PXDNL: variants seen among roughly 807,000 people sequenced by gnomAD.
PXDNL encodes the protein peroxidasin like.
A neutral mutation model predicts 150.8 loss-of-function variants in PXDNL; 145 were observed. The observed-to-expected ratio is 0.96, with a 90% CI of 0.84 to 1.10. The LOEUF (loss-of-function observed/expected upper bound fraction) is 1.10, where lower values mean the gene tolerates loss of function less well. Among genes scored for constraint, PXDNL ranks in the 50% least tolerant of loss-of-function variants. The pLI, the probability that PXDNL is intolerant of heterozygous loss-of-function variation, is 0.00. For missense variants in PXDNL, 2,087 were observed against 1,873.9 expected (o/e 1.11, Z -2.10); for synonymous variants, 757 against 725.7 (o/e 1.04, Z -0.69).
chr8:51,808,674 GAGAC>G (rs1405923031), intron 1 of PXDNL, among the ~76,000 whole-genome samples: 3 of 152,148 alleles, frequency 2.0e-5, no homozygotes, highest in Non-Finnish European at 4.4e-5. Context: ...GTCTGTTCTG[GAGAC>G]AGACAGTGCT....
chr8:51,753,494 T>G (rs1279112974), intron 1 of PXDNL, among the ~76,000 whole-genome samples: 1 of 152,176 alleles, frequency 6.6e-6, no homozygotes, highest in Non-Finnish European at 1.5e-5. Flanking sequence ...TGCCTTTTAA[T>G]CAAAAAAGAA....
At chr8:51,702,536 T>C (rs1353710858) in intron 1 of PXDNL, among the ~76,000 whole-genome samples, 2 of 152,162 alleles carry the variant, frequency 1.3e-5, no homozygotes, top group Non-Finnish European at 2.9e-5. Flanking sequence ...TTTCCAACAA[T>C]CCTGTTCGAA....
intron 1 of PXDNL, among the ~76,000 whole-genome samples, chr8:51,697,175 G>A (rs1816166533): frequency 6.6e-6 from 1 of 151,852 alleles, no homozygotes; most frequent in Non-Finnish European, 1.5e-5. Context: ...GTGGTGGCGG[G>A]CGCCTGTAAT....
chr8:51,379,821 A>T (rs1239012254), intron 17 of PXDNL, among the ~76,000 whole-genome samples: 4 of 152,090 alleles, frequency 2.6e-5, no homozygotes, highest in African/African-American at 9.7e-5. Context: ...TCTGGAATTG[A>T]TTTTCATATA....
intron 2 of PXDNL, among the ~76,000 whole-genome samples, chr8:51,643,620 G>A (rs1182192779): frequency 6.6e-6 from 1 of 152,146 alleles, no homozygotes; most frequent in Admixed American, 6.5e-5. Flanking sequence ...TACCATTCAG[G>A]ACATAGGCAT....
intron 8 of PXDNL, among the ~76,000 whole-genome samples, chr8:51,463,611 C>T (rs922563192): frequency 6.6e-6 from 1 of 152,074 alleles, no homozygotes; most frequent in Non-Finnish European, 1.5e-5. Context: ...CTTGACCAAC[C>T]AGACTTGATA....
At chr8:51,784,736 G>GA (rs60786114) in intron 1 of PXDNL, among the ~76,000 whole-genome samples, 76,755 of 150,362 alleles carry the variant, frequency 0.51, 23,544 homozygotes, top group Non-Finnish European at 0.68. Flanking sequence ...CCTGCAGTTA[G>GA]AAAAAAAAAA....
rs184388725 is a variant in PXDNL, at chr8:51,448,656, C to T, written c.1366+346G>A. ...CGGAGCTTGCAGTGAGCCGAGATTGCACCACTGCACTCCAGCCTGGGCGAC... is the reference window on the plus strand; with the variant it reads ...CGGAGCTTGCAGTGAGCCGAGATTGTACCACTGCACTCCAGCCTGGGCGAC... On this transcript the variant is annotated intron_variant, in intron 11 of 22. Transcript: ENST00000356297. Among the ~76,000 whole-genome samples, 304 of 152,202 alleles carry T rather than the reference C, an allele frequency of 2.0e-3. 3 individuals carry two copies. Among genetic ancestry groups the T allele is most frequent in the African/African-American group, 7.1e-3 (293 of 41,524 alleles).
At chr8:51,597,007 A>C (rs1455707192) in intron 2 of PXDNL, among the ~76,000 whole-genome samples, 1 of 152,150 alleles carries the variant, frequency 6.6e-6, no homozygotes, top group African/African-American at 2.4e-5. Flanking sequence ...GGTATTTCGT[A>C]GGTTTTCTTC....
chr8:51,527,286 T>C (rs2130412351), intron 4 of PXDNL, among the ~76,000 whole-genome samples: 1 of 152,270 alleles, frequency 6.6e-6, no homozygotes, highest in Admixed American at 6.5e-5. Context: ...GGATGTTGTT[T>C]CAGTTCCCTA....
chr8:51,702,984 C>T (rs74629593), intron 1 of PXDNL, among the ~76,000 whole-genome samples: 1,591 of 152,188 alleles, frequency 0.01, 23 homozygotes, highest in African/African-American at 0.032. Flanking sequence ...TTTATCATCA[C>T]GTTTCCTCTA....
At chr8:51,694,222 G>A (rs1457313136) in intron 1 of PXDNL, among the ~76,000 whole-genome samples, 2 of 152,190 alleles carry the variant, frequency 1.3e-5, no homozygotes, top group African/African-American at 4.8e-5. Flanking sequence ...TTAGCTGGGG[G>A]TGGTGGTGTG....
chr8:51,805,118 G>A (rs1032839766), intron 1 of PXDNL, among the ~76,000 whole-genome samples: 3 of 151,920 alleles, frequency 2.0e-5, no homozygotes, highest in Non-Finnish European at 4.4e-5. Flanking sequence ...AAGTTTGAAT[G>A]TTGACACACT....
intron 4 of PXDNL, among the ~76,000 whole-genome samples, chr8:51,507,424 G>A (rs1310256746): frequency 6.6e-6 from 1 of 152,200 alleles, no homozygotes; most frequent in Non-Finnish European, 1.5e-5. Context: ...AGCTGAGCGG[G>A]ACAGAAGCAC....
rs184738185 is a variant in PXDNL at position 51,426,751 on chromosome 8, T to A, written c.1533A>T (p.Ala511=). The A allele has an allele frequency of 6.3e-7, 1 of 1,581,194 alleles. No homozygotes were observed. Among genetic ancestry groups the A allele is most frequent in the Non-Finnish European group, 8.6e-7 (1 of 1,157,912 alleles). ...VQLTVKPKAL[A]VFTQLPQDTS... ...TATCCTGAGGAAGTTGAGTAAACACTGCAAGAGCTGTGGAAACAAACCAAA... is the reference window on the plus strand; with the variant it reads ...TATCCTGAGGAAGTTGAGTAAACACAGCAAGAGCTGTGGAAACAAACCAAA... Residue 511 remains alanine (A), a synonymous_variant, in exon 13 of 23, where the codon GCA becomes GCT. Coordinates refer to ENST00000356297, the MANE Select transcript of PXDNL (RefSeq NM_144651.5).
At chr8:51,592,215 T>C (rs1167929185) in intron 3 of PXDNL, among the ~76,000 whole-genome samples, 2 of 152,242 alleles carry the variant, frequency 1.3e-5, no homozygotes, top group South Asian at 4.1e-4. Context: ...CCTAACTAAC[T>C]GTAATGTGTT....
intron 15 of PXDNL, among the ~76,000 whole-genome samples, chr8:51,412,656 A>C (rs1377210226): frequency 6.6e-6 from 1 of 152,230 alleles, no homozygotes; most frequent in Non-Finnish European, 1.5e-5. Context: ...TTTTTTGTTA[A>C]TGCATCCTGA....
chr8:51,599,685 T>G (rs530990023), intron 2 of PXDNL, among the ~76,000 whole-genome samples: 1,256 of 123,454 alleles, frequency 0.01, 14 homozygotes, highest in South Asian at 0.027. Context: ...ATATCATTTA[T>G]ATAATAAATT....
At chr8:51,663,958 G>A (rs1815328382) in intron 1 of PXDNL, among the ~76,000 whole-genome samples, 1 of 151,584 alleles carries the variant, frequency 6.6e-6, no homozygotes, top group Non-Finnish European at 1.5e-5. Flanking sequence ...GGCTGAGGCA[G>A]GAGAATCACT....
Sources: allele counts gnomAD v4.1 joint callset (sites outside exome capture counted in the v4.1 genomes callset), GRCh38; gene constraint gnomAD v4.1.1; transcripts MANE v1.5; gene names NCBI Gene and HGNC (gene_info 2026-07-23, HGNC 2026-07-21).